The following LMO7 variants were observed in gnomAD, a reference collection of about 807,000 sequenced individuals.
The protein encoded by LMO7 is LIM domain only protein 7.
In LMO7, 120 loss-of-function variants were observed where a neutral mutation model predicts 206.5. The ratio of observed to expected loss-of-function variants is 0.58; its 90% confidence interval spans 0.50 to 0.68. LMO7 has a LOEUF of 0.68. LMO7 is among the 30% of genes least tolerant of loss of function. LMO7 has a pLI of 0.00. For synonymous variants in LMO7, 706 were observed against 681.5 expected (o/e 1.04, Z -0.56); for missense variants, 1,959 against 1,957.9 (o/e 1.00, Z -0.01).
At chr13:75,677,154 C>T (rs2040082764) in intron 1 of LMO7, among the ~76,000 whole-genome samples, 4 of 152,074 alleles carry the variant, frequency 2.6e-5, no homozygotes, top group Admixed American at 2.6e-4. Context: ...TAATGAATGG[C>T]ATATTTGGGG....
At chr13:75,761,172 T>A (rs2048176221) in intron 4 of LMO7, 134 bp downstream of exon 4, 2 of 612,202 alleles carry the variant, frequency 3.3e-6, no homozygotes, top group African/African-American at 3.7e-5. Context: ...TCTGTTCTCA[T>A]TCTAAAAGAG....
At chr13:75,742,903 C>T (rs1463334403) in intron 3 of LMO7, among the ~76,000 whole-genome samples, 10 of 152,126 alleles carry the variant, frequency 6.6e-5, no homozygotes, top group East Asian at 1.9e-4. Flanking sequence ...AACTTCTGCA[C>T]AGCAAAAGGA....
chr13:75,760,264 A>G, intron 3 of LMO7: 1 of 664,808 alleles, frequency 1.5e-6, no homozygotes, highest in Non-Finnish European at 1.9e-6. Context: ...GGGAGGGGAT[A>G]GGCTTTCATA....
At chr13:75,842,998 A>T (rs1679701666) in intron 25 of LMO7, 82 bp downstream of exon 25, 1 of 896,124 alleles carries the variant, frequency 1.1e-6, no homozygotes, top group East Asian at 2.4e-5. Context: ...TGATTTGTAG[A>T]ACTACTTTAG....
rs560313668 is a variant in LMO7 at position 75,705,882 on chromosome 13, T to A, written c.70-7300T>A. Among the ~76,000 whole-genome samples the A allele has an allele frequency of 2.7e-5, 4 of 149,734 alleles. 1 individual carries two copies. The South Asian group carries it at 8.5e-4, about 32-fold the overall frequency. ...TGCAATGTTGTCAGAAGACAGAAAG[T>A]AATTTAATAACTCAGTTTCTTCCTT... On this transcript the variant is annotated intron_variant, in intron 1 of 30. Transcript: ENST00000377534.
chr13:75,692,866 C>T (rs971997285), intron 1 of LMO7, among the ~76,000 whole-genome samples: 1 of 152,166 alleles, frequency 6.6e-6, no homozygotes, highest in Non-Finnish European at 1.5e-5. Flanking sequence ...GCCCTTCAGT[C>T]TTCTTCTTTT....
intron 2 of LMO7, chr13:75,627,262 T>C (rs2034320960): frequency 1.3e-5 from 2 of 152,224 alleles, no homozygotes; most frequent in African/African-American, 4.8e-5. Flanking sequence ...TTACATAAGA[T>C]ATTCAACAAC....
rs778929086 is a variant in LMO7 at position 75,807,621 on chromosome 13, A to G, written c.1338A>G (p.Arg446=). 39 of 1,613,896 alleles carry G rather than the reference A, an allele frequency of 2.4e-5. No homozygotes were observed. The highest frequency in any genetic ancestry group is 5.1e-6 in the Non-Finnish European group (6 of 1,179,900). The part of the protein sequence containing the change: ...KNLSYAPGYR[R]DDLEMAALDP... The stretch of plus-strand genomic sequence containing the variant: ...TCTCTTATGCACCAGGCTATAGAAG[A>G]GATGACCTCGAGATGGCAGCCCTGG... The change falls in exon 10 of 31, where the codon AGA becomes AGG. Residue 446 remains arginine, a synonymous_variant. Transcript: ENST00000377534.
intron 4 of LMO7, among the ~76,000 whole-genome samples, chr13:75,786,677 G>A (rs1051130591): frequency 3.9e-5 from 6 of 152,108 alleles, no homozygotes; most frequent in Middle Eastern, 3.4e-3. Context: ...GAGCCACCGC[G>A]CCCGGCCTCT....
At chr13:75,834,193 T>TC (rs780767457) in intron 16 of LMO7, 33 bp from the exon 17 acceptor site, 1 of 1,532,974 alleles carries the variant, frequency 6.5e-7, no homozygotes, top group Non-Finnish European at 8.8e-7. Context: ...GGGATTTTTT[T>TC]CCCCAATTGG....
At chr13:75,795,482 G>C in intron 5 of LMO7, 51 bp downstream of exon 5, 1 of 1,294,084 alleles carries the variant, frequency 7.7e-7, no homozygotes, top group Non-Finnish European at 1.1e-6. Context: ...TCACTTTCAT[G>C]TTCTGTAAGA....
intron 14 of LMO7, among the ~76,000 whole-genome samples, chr13:75,823,165 G>C (rs1474941788): frequency 6.6e-6 from 1 of 152,088 alleles, no homozygotes; most frequent in Non-Finnish European, 1.5e-5. Flanking sequence ...AGTTCATTTA[G>C]TCTGTTCTGA....
chr13:75,698,035 G>A (rs1021848131), intron 1 of LMO7, among the ~76,000 whole-genome samples: 8 of 152,100 alleles, frequency 5.3e-5, no homozygotes, highest in Non-Finnish European at 4.4e-5. Flanking sequence ...GATATCTTTC[G>A]TGTGTTTTCA....
chr13:75,696,673 T>G (rs2041924545), intron 1 of LMO7, among the ~76,000 whole-genome samples: 1 of 152,120 alleles, frequency 6.6e-6, no homozygotes, highest in Non-Finnish European at 1.5e-5. Flanking sequence ...GACCATTATT[T>G]GCCCCAAGCT....
At chr13:75,739,346 T>G (rs912532300) in intron 3 of LMO7, among the ~76,000 whole-genome samples, 2 of 152,202 alleles carry the variant, frequency 1.3e-5, no homozygotes, top group Non-Finnish European at 2.9e-5. Context: ...ATGGGCTGAA[T>G]TGAGCATCTT....
upstream of LMO7, chr13:75,636,285 G>A: frequency 2.8e-6 from 3 of 1,062,770 alleles, no homozygotes; most frequent in Non-Finnish European, 3.4e-6. Flanking sequence ...CCGGGGCGGG[G>A]CCACCGCGGG....
intron 1 of LMO7, among the ~76,000 whole-genome samples, chr13:75,636,963 G>A (rs2035956338): frequency 6.6e-6 from 1 of 152,200 alleles, no homozygotes. Context: ...GGTGTCACTG[G>A]CTTCCTAGGG....
chr13:75,765,070 A>C (rs956622038), intron 4 of LMO7, among the ~76,000 whole-genome samples: 1 of 152,164 alleles, frequency 6.6e-6, no homozygotes, highest in Non-Finnish European at 1.5e-5. Flanking sequence ...AAAGAGTCTC[A>C]AAATGATATT....
chr13:75,732,971 C>T (rs899712086), intron 3 of LMO7, among the ~76,000 whole-genome samples: 18 of 152,150 alleles, frequency 1.2e-4, no homozygotes, highest in Non-Finnish European at 2.5e-4. Flanking sequence ...GCTGTCTGAT[C>T]GTTCCTCTGG....
Sources: gnomAD v4.1 joint callset for allele counts (sites outside exome capture counted in the v4.1 genomes callset) on GRCh38, gnomAD v4.1.1 for gene constraint, MANE v1.5 for transcripts, NCBI Gene and HGNC (gene_info 2026-07-23, HGNC 2026-07-21) for gene names.